NR1D2: variants seen among roughly 807,000 people sequenced by gnomAD.
NR1D2 encodes nuclear receptor subfamily 1 group D member 2, also known as V-erbA-related protein 1-related.
A neutral mutation model predicts 52.2 loss-of-function variants in NR1D2; 25 were observed. That is an observed-to-expected ratio of 0.48 (90% CI 0.35 to 0.67). The LOEUF is 0.67. Among genes scored for constraint, NR1D2 ranks in the 30% least tolerant of loss-of-function variants. The pLI is 0.01. For synonymous variants in NR1D2, 259 were observed against 230.1 expected, an observed-to-expected ratio of 1.13 and a Z score of -1.14; for missense variants, 681 against 707.2, an observed-to-expected ratio of 0.96 and a Z score of 0.42.
At chr3:23,950,890 C>CTTTT (rs1330702496) in intron 1 of NR1D2, among the ~76,000 whole-genome samples, 2,923 of 136,808 alleles carry the variant, frequency 0.021, 116 homozygotes, top group African/African-American at 0.069. Context: ...CTTTTCTTTT[C>CTTTT]TCTTTCTTTT....
chr3:23,947,478 A>G (rs1263176798), intron 1 of NR1D2, among the ~76,000 whole-genome samples: 1 of 152,214 alleles, frequency 6.6e-6, no homozygotes, highest in Non-Finnish European at 1.5e-5. Context: ...CCAGAAGTGA[A>G]CAGGCTCTTG....
At position 23,953,342 on chromosome 3, in the gene NR1D2, C is replaced by CAA. The variant is rs55698030; in HGVS notation, c.17-1167_17-1166dup. Among the ~76,000 whole-genome samples, 93 of 52,422 alleles carry CAA rather than the reference C, an allele frequency of 1.8e-3. 2 individuals carry two copies. The highest frequency in any genetic ancestry group is 5.3e-3 in the South Asian group (8 of 1,504). 34.4% of individuals were successfully genotyped at this position (52,422 alleles called of 152,430 possible). A position where few individuals can be genotyped will look rare whatever the true frequency, so the allele number is the denominator to read the frequency against. Reference sequence around the variant, plus strand: ...TGGGTGACAGAGTGAGACTCTGTCTCAAAAAAAAAAAAAAAAAAAAAAAAA... The same window carrying CAA: ...TGGGTGACAGAGTGAGACTCTGTCTCAAAAAAAAAAAAAAAAAAAAAAAAAAA... On this transcript the variant is annotated intron_variant, in intron 1 of 7. Transcript: ENST00000312521.
chr3:23,945,577 C>A lies in NR1D2; in HGVS notation c.-2C>A, dbSNP rs760459824. On this transcript the variant is annotated 5_prime_UTR_variant, in exon 1 of 8. Coordinates refer to ENST00000312521, the MANE Select transcript of NR1D2 (RefSeq NM_005126.5). ...GGCCCCGGCCGCCTCCGCGAGGGCACCATGGAGGTGAATGCAGGTAAGAAC... is the reference window on the plus strand; with the variant it reads ...GGCCCCGGCCGCCTCCGCGAGGGCAACATGGAGGTGAATGCAGGTAAGAAC... The A allele has an allele frequency of 7.7e-6, 9 of 1,173,036 alleles. No homozygotes were observed. The highest frequency in any genetic ancestry group is 3.2e-6 in the Non-Finnish European group (3 of 942,914). The allele number at this position is 1,173,036 out of a possible 1,614,324, so 72.7% of individuals were successfully genotyped here.
chr3:23,952,944 A>G lies in NR1D2; in HGVS notation c.17-1593A>G, dbSNP rs1162078449. On this transcript the variant is annotated intron_variant, in intron 1 of 7. Transcript: ENST00000312521. ...CATGACAGACTAAAAGTGACTCTAA[A>G]TTTCTCTGCCTGTTTTTTTTTTTCT... 2.7e-5 allele frequency among the ~76,000 whole-genome samples: 4 copies of G among 150,448 alleles called. No individual in the cohort carries two copies. The East Asian group carries it at 7.8e-4, about 29-fold the overall frequency.
At chr3:23,946,121 C>T in intron 1 of NR1D2, 9 of 985,014 alleles carry the variant, frequency 9.1e-6, no homozygotes, top group Non-Finnish European at 1.1e-5. Context: ...CGCCGCGATT[C>T]CCTCCTCCCC....
At chr3:23,974,302 G>A (rs1159982575) in intron 7 of NR1D2, among the ~76,000 whole-genome samples, 1 of 151,938 alleles carries the variant, frequency 6.6e-6, no homozygotes, top group Admixed American at 6.6e-5. Context: ...CTATTATTAA[G>A]TGTAATAGGT....
At chr3:23,957,647 C>T (rs186603623) in intron 3 of NR1D2, among the ~76,000 whole-genome samples, 4,773 of 151,222 alleles carry the variant, frequency 0.032, 115 homozygotes, top group Middle Eastern at 0.075. Flanking sequence ...GGCGTGAACC[C>T]GGGAGGCGGA....
intron 1 of NR1D2, among the ~76,000 whole-genome samples, chr3:23,953,991 A>G (rs1706015864): frequency 6.6e-6 from 1 of 152,120 alleles, no homozygotes; most frequent in Non-Finnish European, 1.5e-5. Context: ...AGCCAGTGAA[A>G]TCCTTCTCAC....
chr3:23,969,661 A>C (rs1226712641), intron 7 of NR1D2, among the ~76,000 whole-genome samples: 3 of 152,202 alleles, frequency 2.0e-5, no homozygotes, highest in Non-Finnish European at 4.4e-5. Flanking sequence ...TTAGGTGCTC[A>C]GGGGGAGACA....
intron 1 of NR1D2, among the ~76,000 whole-genome samples, chr3:23,948,185 AGC>A (rs1705819881): frequency 6.6e-6 from 1 of 151,902 alleles, no homozygotes; most frequent in Non-Finnish European, 1.5e-5. Flanking sequence ...GGCCAGATTC[AGC>A]GCTGTGTGGC....
At chr3:23,950,151 T>G (rs898228192) in intron 1 of NR1D2, among the ~76,000 whole-genome samples, 2 of 152,248 alleles carry the variant, frequency 1.3e-5, no homozygotes, top group Admixed American at 1.3e-4. Context: ...AAACAGTGTA[T>G]GAAAAAAGCA....
intron 1 of NR1D2, chr3:23,946,121 CCCT>C: frequency 2.0e-6 from 2 of 985,014 alleles, no homozygotes; most frequent in Non-Finnish European, 2.4e-6. Context: ...CGCCGCGATT[CCCT>C]CCTCCCCCGC....
At chr3:23,954,466 T>G in intron 1 of NR1D2, 71 bp from the exon 2 acceptor site, 1 of 1,325,784 alleles carries the variant, frequency 7.5e-7, no homozygotes, top group Non-Finnish European at 1.1e-6. Flanking sequence ...GGCTTTACTG[T>G]TGAGATTTGC....
intron 1 of NR1D2, among the ~76,000 whole-genome samples, chr3:23,951,392 T>C (rs1047803708): frequency 3.9e-5 from 6 of 152,206 alleles, no homozygotes; most frequent in Non-Finnish European, 8.8e-5. Context: ...AGAAGACAAA[T>C]AGCTGTGAGA....
At chr3:23,948,832 A>C (rs1238902474) in intron 1 of NR1D2, among the ~76,000 whole-genome samples, 1 of 152,182 alleles carries the variant, frequency 6.6e-6, no homozygotes, top group Non-Finnish European at 1.5e-5. Flanking sequence ...TTTATACGCA[A>C]CTTGGTGGTC....
intron 3 of NR1D2, among the ~76,000 whole-genome samples, chr3:23,958,617 G>A (rs1047265252): frequency 3.3e-5 from 5 of 149,312 alleles, no homozygotes; most frequent in African/African-American, 1.2e-4. Context: ...TCCAGCCTGG[G>A]TGACAGAGCA....
intron 7 of NR1D2, among the ~76,000 whole-genome samples, chr3:23,971,885 T>C (rs1399703491): frequency 3.9e-5 from 6 of 152,206 alleles, no homozygotes; most frequent in African/African-American, 1.4e-4. Flanking sequence ...GTTGAAAAGT[T>C]GAAAGTCAGC....
At chr3:23,974,560 C>G (rs886654442) in intron 7 of NR1D2, among the ~76,000 whole-genome samples, 22 of 151,974 alleles carry the variant, frequency 1.4e-4, no homozygotes, top group African/African-American at 5.1e-4. Context: ...TTTCCAAGCA[C>G]CTTAGAACAG....
At position 23,977,298 on chromosome 3, in the gene NR1D2, T is replaced by C. The variant is rs779153930; in HGVS notation, c.1619T>C (p.Ile540Thr). The C allele has an allele frequency of 6.2e-7, 1 of 1,613,438 alleles. No individual in the cohort carries two copies. The highest frequency in any genetic ancestry group is 8.5e-7 in the Non-Finnish European group (1 of 1,179,572). Residue 540 changes from isoleucine to threonine, a missense_variant, in exon 8 of 8, where the codon ATA becomes ACA. Physicochemically the swap from Ile to Thr is moderately conservative, Grantham distance 89. Around this residue, in one of 3 missense-constraint regions of NR1D2, gnomAD observed 475 missense variants for 454.5 expected, o/e 1.05. Transcript: ENST00000312521. ...CTCATTCGTGCACTAAGGACCTTAA[T>C]AATGAAAAACCATCCAAATGAGGCC... ...ETLIRALRTL[I>T]MKNHPNEASI...
Sources: allele counts gnomAD v4.1 joint callset (sites outside exome capture counted in the v4.1 genomes callset), GRCh38; gene constraint gnomAD v4.1.1; regional missense constraint gnomAD v4.1.1; transcripts MANE v1.5; gene names NCBI Gene and HGNC (gene_info 2026-07-23, HGNC 2026-07-21).